Variants in CLNK observed in about 807,000 individuals in gnomAD.
CLNK encodes the protein cytokine-dependent hematopoietic cell linker.
In CLNK, 74 loss-of-function variants were observed where a neutral mutation model predicts 68.6. The observed-to-expected ratio is 1.08, with a 90% CI of 0.89 to 1.31. The LOEUF (loss-of-function observed/expected upper bound fraction) is 1.31. Among genes scored for constraint, CLNK ranks in the 50% most tolerant of loss-of-function variants. CLNK has a pLI of 0.00. For missense variants in CLNK, 553 were observed against 515.3 expected, an observed-to-expected ratio of 1.07 and a Z score of -0.71; for synonymous variants, 198 against 172.2, an observed-to-expected ratio of 1.15 and a Z score of -1.17.
chr4:10,558,295 G>T, intron 8 of CLNK, 112 bp downstream of exon 8: 3 of 829,998 alleles, frequency 3.6e-6, no homozygotes, highest in South Asian at 1.6e-5. Context: ...TAATTCAATA[G>T]ATCACCTTGT....
At chr4:10,593,339 G>A (rs962053749) in intron 3 of CLNK, among the ~76,000 whole-genome samples, 5 of 151,990 alleles carry the variant, frequency 3.3e-5, no homozygotes, top group Admixed American at 2.0e-4. Context: ...CCCAGTAGAG[G>A]GCCTCCTAAT....
At chr4:10,672,848 T>A (rs1724705564) in intron 1 of CLNK, among the ~76,000 whole-genome samples, 1 of 152,164 alleles carries the variant, frequency 6.6e-6, no homozygotes, top group African/African-American at 2.4e-5. Flanking sequence ...AGCTTGTCAG[T>A]GAACACACCG....
chr4:10,593,577 C>T (rs2108842574), intron 3 of CLNK, among the ~76,000 whole-genome samples: 1 of 152,290 alleles, frequency 6.6e-6, no homozygotes, highest in African/African-American at 2.4e-5. Flanking sequence ...TTGCTTGAAC[C>T]TGAGAGGCGG....
chr4:10,539,977 C>T (rs1718948708), intron 11 of CLNK, among the ~76,000 whole-genome samples: 1 of 152,190 alleles, frequency 6.6e-6, no homozygotes, highest in African/African-American at 2.4e-5. Flanking sequence ...GCTATATTTC[C>T]TGCAAAGAAT....
chr4:10,501,756 G>A (rs1364125585), intron 17 of CLNK, among the ~76,000 whole-genome samples: 14 of 152,044 alleles, frequency 9.2e-5, no homozygotes, highest in Non-Finnish European at 1.8e-4. Flanking sequence ...GAAAAACCCC[G>A]TCTCTACTAA....
chr4:10,518,641 C>G (rs1272443239), intron 15 of CLNK, among the ~76,000 whole-genome samples: 1 of 152,172 alleles, frequency 6.6e-6, no homozygotes, highest in Non-Finnish European at 1.5e-5. Context: ...GATCCACTTG[C>G]TTGGGATCCT....
chr4:10,731,692 G>A, the CLNK span, among the ~76,000 whole-genome samples: 1 of 152,062 alleles, frequency 6.6e-6, no homozygotes, highest in Non-Finnish European at 1.5e-5. Flanking sequence ...CCTTTTTGTT[G>A]CTGCGATATC....
intron 14 of CLNK, among the ~76,000 whole-genome samples, chr4:10,522,321 C>T (rs991684844): frequency 6.6e-6 from 1 of 150,406 alleles, no homozygotes; most frequent in African/African-American, 2.4e-5. Flanking sequence ...CACCTGTAAT[C>T]CCAACACTTT....
rs140785625 is a variant in CLNK at position 10,550,220 on chromosome 4, G to A, written c.446-7940C>T. ...TAAAAATACATTACATAGGCCAGGCGCGGTGGCTCAAGCCTGTAATCCCAG... is the reference window on the plus strand; with the variant it reads ...TAAAAATACATTACATAGGCCAGGCACGGTGGCTCAAGCCTGTAATCCCAG... On this transcript the variant is annotated intron_variant, in intron 8 of 18. Coordinates refer to ENST00000226951, the MANE Select transcript of CLNK (RefSeq NM_052964.4). Among the ~76,000 whole-genome samples the A allele has an allele frequency of 2.1e-3, 324 of 152,302 alleles. 1 individual carries two copies. Among genetic ancestry groups the A allele is most frequent in the South Asian group, 8.5e-3 (41 of 4,820 alleles).
At chr4:10,525,292 C>T (rs1187225243) in intron 14 of CLNK, among the ~76,000 whole-genome samples, 1 of 152,154 alleles carries the variant, frequency 6.6e-6, no homozygotes, top group Admixed American at 6.5e-5. Flanking sequence ...GTCTCGATCT[C>T]CTGACCTCAT....
chr4:10,615,600 A>G lies in CLNK; in HGVS notation c.12-17551T>C, dbSNP rs371256060. On this transcript the variant is annotated intron_variant, in intron 2 of 18. Transcript: ENST00000226951. ...CAAAGAAGAGCCAGTAGAGTTCTCC[A>G]TGCACCTGCTCCAGGTATAGACCCC... is the stretch of plus-strand genomic sequence containing the variant. Among the ~76,000 whole-genome samples, 12 of 152,218 alleles carry G rather than the reference A, an allele frequency of 7.9e-5. No individual in the cohort carries two copies. In the East Asian group the frequency reaches 1.2e-3, roughly 15 times the overall value.
At chr4:10,513,395 T>C (rs1717683573) in intron 16 of CLNK, 69 bp downstream of exon 16, 4 of 1,425,152 alleles carry the variant, frequency 2.8e-6, no homozygotes, top group Middle Eastern at 3.9e-4. Flanking sequence ...CTTTTGGGCA[T>C]TGTTCAGGAA....
chr4:10,544,416 A>C (rs1332306798), intron 8 of CLNK, among the ~76,000 whole-genome samples: 1 of 152,230 alleles, frequency 6.6e-6, no homozygotes, highest in African/African-American at 2.4e-5. Flanking sequence ...TGCTATTCCC[A>C]TGAAGCTTAC....
chr4:10,493,874 A>G (rs913823415), intron 18 of CLNK, among the ~76,000 whole-genome samples: 2 of 152,218 alleles, frequency 1.3e-5, no homozygotes, highest in Non-Finnish European at 2.9e-5. Flanking sequence ...TTCTATGAAC[A>G]GTGATGGTAA....
At chr4:10,568,385 G>T (rs1444347146) in intron 5 of CLNK, among the ~76,000 whole-genome samples, 1 of 152,120 alleles carries the variant, frequency 6.6e-6, no homozygotes, top group Non-Finnish European at 1.5e-5. Flanking sequence ...TGGGGGAAGG[G>T]GGGACTGGGT....
the CLNK span, among the ~76,000 whole-genome samples, chr4:10,705,994 CTGT>C: frequency 1.6e-3 from 243 of 152,360 alleles, no homozygotes; most frequent in African/African-American, 5.7e-3. Flanking sequence ...CAAAGGTCTT[CTGT>C]TTCTTTCCCT....
At chr4:10,584,551 T>G (rs991968362) in intron 4 of CLNK, among the ~76,000 whole-genome samples, 11 of 152,206 alleles carry the variant, frequency 7.2e-5, no homozygotes, top group African/African-American at 2.4e-4. Context: ...TTTCCACTCA[T>G]GTTTTGGGGG....
intron 15 of CLNK, 54 bp from the exon 16 acceptor site, chr4:10,513,651 C>T: frequency 2.0e-6 from 3 of 1,519,058 alleles, no homozygotes; most frequent in Non-Finnish European, 2.7e-6. Context: ...TGCAGTCTGT[C>T]CCCCACCTCC....
At chr4:10,625,297 T>A (rs1293824581) in intron 2 of CLNK, among the ~76,000 whole-genome samples, 1 of 152,136 alleles carries the variant, frequency 6.6e-6, no homozygotes, top group Non-Finnish European at 1.5e-5. Flanking sequence ...GAGGGAGGTG[T>A]TTGGCGTACA....
Sources: gnomAD v4.1 joint callset for allele counts (sites outside exome capture counted in the v4.1 genomes callset) on GRCh38, gnomAD v4.1.1 for gene constraint, MANE v1.5 for transcripts, NCBI Gene and HGNC (gene_info 2026-07-23, HGNC 2026-07-21) for gene names.